KHDRBS2: variants seen among roughly 807,000 people sequenced by gnomAD.
KHDRBS2 encodes the protein KH RNA binding domain containing, signal transduction associated 2, also known as KH domain-containing, RNA-binding, signal transduction-associated protein 2.
Under a neutral mutation model 44.3 loss-of-function variants are expected in KHDRBS2, and 26 were observed. That is an observed-to-expected ratio of 0.59 (90% CI 0.43 to 0.81). The LOEUF (loss-of-function observed/expected upper bound fraction) is 0.81, where lower values mean the gene tolerates loss of function less well. Among genes scored for constraint, KHDRBS2 ranks in the 40% least tolerant of loss-of-function variants. KHDRBS2 has a pLI of 0.00. For missense variants in KHDRBS2, 476 were observed against 433.1 expected, an observed-to-expected ratio of 1.10 and a Z score of -0.88; for synonymous variants, 194 against 151.1, an observed-to-expected ratio of 1.28 and a Z score of -2.08.
the KHDRBS2 span, among the ~76,000 whole-genome samples, chr6:61,654,576 G>T: frequency 2.0e-5 from 3 of 151,436 alleles, no homozygotes; most frequent in Non-Finnish European, 4.4e-5. Context: ...GTAGTTAAAG[G>T]ACTATAATGC....
At chr6:61,602,520 C>T in the KHDRBS2 span, among the ~76,000 whole-genome samples, 1 of 152,174 alleles carries the variant, frequency 6.6e-6, no homozygotes, top group Non-Finnish European at 1.5e-5. Flanking sequence ...GGAACTCTGG[C>T]CCAAGGCTCT....
chr6:61,909,431 T>G (rs1474764091), intron 4 of KHDRBS2, among the ~76,000 whole-genome samples: 1 of 152,128 alleles, frequency 6.6e-6, no homozygotes, highest in African/African-American at 2.4e-5. Flanking sequence ...GTCCAAATAA[T>G]TCGCTTTTTT....
chr6:61,585,791 C>A, the KHDRBS2 span, among the ~76,000 whole-genome samples: 16 of 152,166 alleles, frequency 1.1e-4, no homozygotes, highest in African/African-American at 3.6e-4. Flanking sequence ...CAGGTTGATA[C>A]CAAGGGCTCA....
chr6:62,107,807 G>T (rs1803847996), intron 2 of KHDRBS2, among the ~76,000 whole-genome samples: 1 of 152,088 alleles, frequency 6.6e-6, no homozygotes, highest in African/African-American at 2.4e-5. Flanking sequence ...ACAACTATCT[G>T]GTCTTTGACA....
the KHDRBS2 span, among the ~76,000 whole-genome samples, chr6:61,629,276 T>G: frequency 6.6e-6 from 1 of 152,188 alleles, no homozygotes; most frequent in Non-Finnish European, 1.5e-5. Context: ...TTAAGTATAA[T>G]AAGGTGACCC....
chr6:61,876,480 G>C (rs1188173028), intron 6 of KHDRBS2, among the ~76,000 whole-genome samples: 1 of 148,158 alleles, frequency 6.7e-6, no homozygotes, highest in Non-Finnish European at 1.5e-5. Flanking sequence ...TAGAATATTG[G>C]TATTAGTGTA....
At chr6:62,026,129 A>G (rs547679932) in intron 3 of KHDRBS2, among the ~76,000 whole-genome samples, 13 of 151,862 alleles carry the variant, frequency 8.6e-5, no homozygotes, top group Non-Finnish European at 1.6e-4. Context: ...CTTAACTTCT[A>G]TTATGATGAG....
chr6:62,157,639 T>G (rs1457839771), intron 2 of KHDRBS2, among the ~76,000 whole-genome samples: 2 of 152,020 alleles, frequency 1.3e-5, no homozygotes, highest in Non-Finnish European at 2.9e-5. Context: ...TAAAATACAA[T>G]AATAATAGCA....
intron 1 of KHDRBS2, among the ~76,000 whole-genome samples, chr6:62,248,558 C>T (rs1425671167): frequency 1.3e-5 from 2 of 151,880 alleles, no homozygotes; most frequent in Non-Finnish European, 2.9e-5. Flanking sequence ...GGGGTTTCAC[C>T]ACGTTGGCCA....
intron 6 of KHDRBS2, among the ~76,000 whole-genome samples, chr6:61,742,318 C>T (rs578001159): frequency 6.6e-6 from 1 of 152,018 alleles, no homozygotes; most frequent in East Asian, 1.9e-4. Flanking sequence ...TCTCTTGTTA[C>T]TACAAAAGCA....
Position 62,047,966 on chromosome 6 carries a change from G to T in KHDRBS2, c.248C>A (p.Pro83Gln), listed in dbSNP as rs766429987. ...KFNFVGKLLG[P>Q]RGNSLKRLQE... ...TAGCCTCTTCAAGGAGTTTCCTCTTGGTCCAAGCAATTTCCCCACAAAATT... is the reference window on the plus strand; with the variant it reads ...TAGCCTCTTCAAGGAGTTTCCTCTTTGTCCAAGCAATTTCCCCACAAAATT... Residue 83 changes from proline (P) to glutamine (Q), a missense_variant, in exon 3 of 9, where the codon CCA becomes CAA. Physicochemically the swap from Pro to Gln is moderately conservative, Grantham distance 76. Transcript: ENST00000281156. The T allele has an allele frequency of 1.2e-6, 2 of 1,609,556 alleles. No homozygotes were observed. Among genetic ancestry groups the T allele is most frequent in the Non-Finnish European group, 1.7e-6 (2 of 1,176,464 alleles).
At chr6:61,781,319 G>A (rs1051659357) in intron 6 of KHDRBS2, among the ~76,000 whole-genome samples, 3 of 151,960 alleles carry the variant, frequency 2.0e-5, no homozygotes, top group Non-Finnish European at 4.4e-5. Flanking sequence ...GGTAAAATGT[G>A]AATAATATTC....
chr6:61,763,786 AC>A (rs1582675977), intron 6 of KHDRBS2, among the ~76,000 whole-genome samples: 2 of 152,094 alleles, frequency 1.3e-5, no homozygotes, highest in Non-Finnish European at 2.9e-5. Context: ...TCTCTGCACA[AC>A]TGGGCTGATA....
intron 3 of KHDRBS2, among the ~76,000 whole-genome samples, chr6:62,003,738 T>C (rs763557947): frequency 2.6e-5 from 4 of 152,168 alleles, no homozygotes; most frequent in Non-Finnish European, 5.9e-5. Flanking sequence ...ACATCACACT[T>C]ATTCCAAAAT....
intron 3 of KHDRBS2, 39 bp from the exon 4 acceptor site, chr6:61,978,251 A>G: frequency 3.3e-6 from 5 of 1,500,566 alleles, no homozygotes; most frequent in Non-Finnish European, 4.6e-6. Flanking sequence ...AAATCCACTC[A>G]TTTTACATTG....
the KHDRBS2 span, among the ~76,000 whole-genome samples, chr6:61,552,718 AT>A: frequency 2.0e-5 from 3 of 152,112 alleles, no homozygotes; most frequent in African/African-American, 7.2e-5. Flanking sequence ...GGGATGTTGA[AT>A]TTTATCAAAA....
the KHDRBS2 span, among the ~76,000 whole-genome samples, chr6:61,565,001 G>A: frequency 1.3e-5 from 2 of 151,968 alleles, no homozygotes; most frequent in Non-Finnish European, 2.9e-5. Flanking sequence ...GTCAAACCCA[G>A]AAATAAATTC....
chr6:62,278,998 A>G (rs893836111), intron 1 of KHDRBS2, among the ~76,000 whole-genome samples: 98 of 152,194 alleles, frequency 6.4e-4, no homozygotes, highest in African/African-American at 2.3e-3. Flanking sequence ...GGAGGCTGAG[A>G]CAGGAGAATG....
intron 2 of KHDRBS2, among the ~76,000 whole-genome samples, chr6:62,118,675 G>A (rs926042055): frequency 6.6e-5 from 10 of 152,138 alleles, no homozygotes; most frequent in Non-Finnish European, 8.8e-5. Context: ...TGCCAGCATG[G>A]CTAGGATACA....
Sources: gnomAD v4.1 joint callset for allele counts (sites outside exome capture counted in the v4.1 genomes callset) on GRCh38, gnomAD v4.1.1 for gene constraint, MANE v1.5 for transcripts, NCBI Gene and HGNC (gene_info 2026-07-23, HGNC 2026-07-21) for gene names.